MIPOL1: variants seen among roughly 807,000 people sequenced by gnomAD.
MIPOL1 encodes mirror-image polydactyly gene 1 protein.
In MIPOL1, 57 loss-of-function variants were observed where a neutral mutation model predicts 60.9. That is an observed-to-expected ratio of 0.94 (90% confidence interval 0.76 to 1.17). MIPOL1 has a LOEUF of 1.17. Among genes scored for constraint, MIPOL1 ranks in the 50% most tolerant of loss-of-function variants. The pLI is 0.00. For synonymous variants in MIPOL1, 179 were observed against 168.8 expected (o/e 1.06, Z -0.47); for missense variants, 551 against 511.6 (o/e 1.08, Z -0.74).
intron 11 of MIPOL1, among the ~76,000 whole-genome samples, chr14:37,445,125 G>A (rs1164625424): frequency 6.6e-6 from 1 of 152,114 alleles, no homozygotes; most frequent in African/African-American, 2.4e-5. Flanking sequence ...AGGAAAAAAG[G>A]AAGTCAAATT....
intron 11 of MIPOL1, among the ~76,000 whole-genome samples, chr14:37,459,364 A>C (rs2094513640): frequency 6.6e-6 from 1 of 152,198 alleles, no homozygotes; most frequent in Admixed American, 6.5e-5. Flanking sequence ...AAAAGTACAA[A>C]AGATCATCAG....
chr14:37,428,816 G>A (rs992416290), intron 11 of MIPOL1, among the ~76,000 whole-genome samples: 2 of 151,982 alleles, frequency 1.3e-5, no homozygotes, highest in Admixed American at 1.3e-4. Context: ...AATATTTTGA[G>A]TGCTAAGAAA....
intron 11 of MIPOL1, among the ~76,000 whole-genome samples, chr14:37,477,507 A>T (rs954221542): frequency 6.6e-6 from 1 of 152,226 alleles, no homozygotes; most frequent in South Asian, 2.1e-4. Context: ...ACAGGCATGG[A>T]GTTGTTCATA....
In MIPOL1 at chr14:37,546,899, A is replaced by C. The variant is rs777852979; in HGVS notation, c.1263-6A>C. ...CCTTCTCACCCCCATCCCAACCCCA[A>C]CTTAGGTTGGAAAGGCTGGTGGATG... On this transcript the variant is annotated splice_polypyrimidine_tract_variant and splice_region_variant and intron_variant, in intron 12 of 12. Transcript: ENST00000684589. The C allele has an allele frequency of 2.5e-6, 4 of 1,612,692 alleles. 1 individual carries two copies. In the South Asian group the frequency reaches 3.3e-5, roughly 13 times the overall value.
At chr14:37,298,148 A>T (rs1247771079) in intron 7 of MIPOL1, among the ~76,000 whole-genome samples, 1 of 152,216 alleles carries the variant, frequency 6.6e-6, no homozygotes, top group African/African-American at 2.4e-5. Flanking sequence ...ATAATGCCGC[A>T]TATCTACAAC....
chr14:37,223,044 T>C (rs1969080769), intron 1 of MIPOL1, among the ~76,000 whole-genome samples: 1 of 152,134 alleles, frequency 6.6e-6, no homozygotes, highest in African/African-American at 2.4e-5. Flanking sequence ...TACTTTTTTT[T>C]CCCTTTGAGA....
intron 9 of MIPOL1, among the ~76,000 whole-genome samples, chr14:37,365,846 C>T (rs1416087848): frequency 6.6e-6 from 1 of 151,952 alleles, no homozygotes; most frequent in Non-Finnish European, 1.5e-5. Context: ...CAAGGCTTTT[C>T]TTTACTGGGA....
intron 12 of MIPOL1, among the ~76,000 whole-genome samples, chr14:37,517,588 A>G (rs916494459): frequency 2.0e-5 from 3 of 152,202 alleles, no homozygotes; most frequent in African/African-American, 7.2e-5. Context: ...GTATGAAGCA[A>G]CATAAGAATT....
chr14:37,282,345 G>T (rs993102958), intron 6 of MIPOL1, among the ~76,000 whole-genome samples: 1 of 151,636 alleles, frequency 6.6e-6, no homozygotes, highest in African/African-American at 2.4e-5. Context: ...TGGTTCAAGC[G>T]ATCTCCTGCC....
chr14:37,241,437 G>A (rs1435635799), intron 1 of MIPOL1, among the ~76,000 whole-genome samples: 2 of 152,014 alleles, frequency 1.3e-5, no homozygotes, highest in Admixed American at 6.6e-5. Flanking sequence ...ATAAAATTAG[G>A]CTAGGTTCAG....
At chr14:37,349,125 ACT>A (rs2091164476) in intron 9 of MIPOL1, among the ~76,000 whole-genome samples, 1 of 149,718 alleles carries the variant, frequency 6.7e-6, no homozygotes, top group Admixed American at 6.8e-5. Context: ...AGTAGCTGGG[ACT>A]ACAGGTGCCT....
At chr14:37,444,580 A>C (rs1335849029) in intron 11 of MIPOL1, among the ~76,000 whole-genome samples, 1 of 152,222 alleles carries the variant, frequency 6.6e-6, no homozygotes, top group African/African-American at 2.4e-5. Flanking sequence ...CAGTTTTATA[A>C]AAGACACAGT....
chr14:37,458,052 C>G, intron 11 of MIPOL1, among the ~76,000 whole-genome samples: 1 of 151,458 alleles, frequency 6.6e-6, no homozygotes, highest in East Asian at 1.9e-4. Context: ...TCAGATAAAA[C>G]AGACATTAAT....
intron 9 of MIPOL1, among the ~76,000 whole-genome samples, chr14:37,349,154 A>G (rs1195268801): frequency 2.0e-5 from 3 of 151,794 alleles, no homozygotes; most frequent in East Asian, 3.9e-4. Flanking sequence ...ACACCTGGCT[A>G]ATTTTTGTAT....
chr14:37,297,977 G>C (rs1414812862), intron 7 of MIPOL1, among the ~76,000 whole-genome samples: 1 of 152,158 alleles, frequency 6.6e-6, no homozygotes, highest in Non-Finnish European at 1.5e-5. Context: ...AAGCAAAAAA[G>C]AGCCCGCATC....
At chr14:37,370,365 C>T (rs1271734355) in intron 10 of MIPOL1, among the ~76,000 whole-genome samples, 2 of 152,060 alleles carry the variant, frequency 1.3e-5, no homozygotes, top group Non-Finnish European at 2.9e-5. Flanking sequence ...TGCTTGCATT[C>T]TCATGCTAAC....
At chr14:37,235,833 A>C (rs1345466931) in intron 1 of MIPOL1, among the ~76,000 whole-genome samples, 1 of 152,094 alleles carries the variant, frequency 6.6e-6, no homozygotes, top group East Asian at 1.9e-4. Context: ...AAGTGGAATC[A>C]TAAAGTAGTT....
chr14:37,470,531 G>A (rs2094670825), intron 11 of MIPOL1, among the ~76,000 whole-genome samples: 2 of 152,082 alleles, frequency 1.3e-5, no homozygotes, highest in Non-Finnish European at 2.9e-5. Flanking sequence ...AGATGTGCCT[G>A]CTTTCCCTTC....
chr14:37,407,667 A>G (rs1162261611), intron 10 of MIPOL1, among the ~76,000 whole-genome samples: 1 of 152,016 alleles, frequency 6.6e-6, no homozygotes, highest in African/African-American at 2.4e-5. Flanking sequence ...AATGTAGTAC[A>G]TGAGAGACCA....
Sources: gnomAD v4.1 joint callset for allele counts (sites outside exome capture counted in the v4.1 genomes callset) on GRCh38, gnomAD v4.1.1 for gene constraint, MANE v1.5 for transcripts, NCBI Gene and HGNC (gene_info 2026-07-23, HGNC 2026-07-21) for gene names.